S100PBP: variants seen among roughly 807,000 people sequenced by gnomAD.
S100PBP encodes S100P binding protein, also known as S100P-binding protein.
In S100PBP, 15 loss-of-function variants were observed where a neutral mutation model predicts 39.9. The observed-to-expected ratio is 0.38, with a 90% CI of 0.25 to 0.58. The LOEUF (loss-of-function observed/expected upper bound fraction) is 0.58, where lower values mean the gene tolerates loss of function less well. Among genes scored for constraint, S100PBP ranks in the 20% least tolerant of loss-of-function variants. S100PBP has a pLI of 0.70. For missense variants in S100PBP, 504 were observed against 487.3 expected, an observed-to-expected ratio of 1.03 and a Z score of -0.32; for synonymous variants, 178 against 180.3, an observed-to-expected ratio of 0.99 and a Z score of 0.10.
Position 32,826,883 on chromosome 1 carries a change from T to G in S100PBP, c.784T>G (p.Ser262Ala). 6.2e-7 allele frequency: 1 copy of G among 1,606,764 alleles called. No homozygotes were observed. Among genetic ancestry groups the G allele is most frequent in the Non-Finnish European group, 8.5e-7 (1 of 1,177,742 alleles). Residue 262 changes from serine (S) to alanine (A), a missense_variant, in exon 3 of 7, where the codon TCA (serine) becomes GCA (alanine). Ser to Ala is a moderately conservative substitution (Grantham distance 99). Coordinates refer to ENST00000373475, the MANE Select transcript of S100PBP (RefSeq NM_022753.4). The stretch of plus-strand genomic sequence containing the variant: ...CTGCAGAAATGGTGGTTCACACAAG[T>G]CAAGTTGTGAAATGAGATCTCTGGT... ...LSCRNGGSHK[S>A]SCEMRSLVVS...
intron 5 of S100PBP, among the ~76,000 whole-genome samples, chr1:32,845,707 G>A (rs1186682434): frequency 6.8e-6 from 1 of 148,068 alleles, no homozygotes; most frequent in African/African-American, 2.5e-5. Context: ...TTAAGATAAA[G>A]CCTTGCTCTG....
intron 3 of S100PBP, 80 bp from the exon 4 acceptor site, chr1:32,827,913 A>C: frequency 1.0e-6 from 1 of 970,982 alleles, no homozygotes; most frequent in Non-Finnish European, 1.6e-6. Flanking sequence ...GTTAAAAAAT[A>C]TTTCCATAAA....
intron 1 of S100PBP, chr1:32,818,161 G>A (rs1414259087): frequency 6.6e-6 from 1 of 152,444 alleles, no homozygotes; most frequent in Non-Finnish European, 1.5e-5. Context: ...CAGGCCTGCT[G>A]AGGGGCGGGT....
At chr1:32,819,689 G>A (rs1218708748) in intron 1 of S100PBP, among the ~76,000 whole-genome samples, 1 of 152,240 alleles carries the variant, frequency 6.6e-6, no homozygotes, top group Non-Finnish European at 1.5e-5. Context: ...TGACAGAGAA[G>A]TAATAAGTAA....
At position 32,826,332 on chromosome 1, in the gene S100PBP, G is replaced by A. The variant is rs542081266; in HGVS notation, c.233G>A (p.Gly78Asp). Residue 78 changes from glycine (G) to aspartate (D), a missense_variant, in exon 3 of 7, where the codon GGT becomes GAT. By Grantham distance (94) the Gly-to-Asp change is moderately conservative. Coordinates refer to ENST00000373475, the MANE Select transcript of S100PBP (RefSeq NM_022753.4). ...GAGCAGTCTTCTGGGGAAGATGATGGTGGGCATGTTGAGAAGGGAGAAAGA... is the reference window on the plus strand; with the variant it reads ...GAGCAGTCTTCTGGGGAAGATGATGATGGGCATGTTGAGAAGGGAGAAAGA... ...SYEQSSGEDD[G>D]GHVEKGERGS... is the part of the protein sequence containing the mutation. 3.1e-6 allele frequency: 5 copies of A among 1,614,102 alleles called. No homozygotes were observed. In the East Asian group the frequency reaches 6.7e-5, roughly 22 times the overall value.
chr1:32,843,742 C>T (rs551438543), intron 5 of S100PBP, among the ~76,000 whole-genome samples: 1 of 150,722 alleles, frequency 6.6e-6, no homozygotes, highest in East Asian at 2.0e-4. Flanking sequence ...TGTGAGCCAC[C>T]GCACATGGCC....
At chr1:32,818,671 C>G (rs1367063624) in intron 1 of S100PBP, 2 of 152,248 alleles carry the variant, frequency 1.3e-5, no homozygotes, top group Admixed American at 6.5e-5. Flanking sequence ...GAAATGTTAC[C>G]TAAAGCAAAG....
intron 6 of S100PBP, among the ~76,000 whole-genome samples, chr1:32,855,244 T>C (rs1408807167): frequency 6.6e-6 from 1 of 152,152 alleles, no homozygotes; most frequent in Non-Finnish European, 1.5e-5. Flanking sequence ...CTGTATTTGT[T>C]TTTTCTTTTT....
rs1471908093 is a variant in S100PBP, at chr1:32,857,134, A to G, written c.*1096A>G. 5 of 152,156 alleles carry G rather than the reference A, an allele frequency of 3.3e-5. No individual in the cohort carries two copies. Among genetic ancestry groups the G allele is most frequent in the African/African-American group, 1.2e-4 (5 of 41,436 alleles). 9.4% of individuals were successfully genotyped at this position (152,156 alleles called of 1,614,324 possible). ...AACAAGAGGTGTCTTTAGGCCCTGG[A>G]TGTTACCATCTCATTTGGTCAAGCC... On this transcript the variant is annotated 3_prime_UTR_variant, in exon 7 of 7. Coordinates refer to ENST00000373475, the MANE Select transcript of S100PBP (RefSeq NM_022753.4).
At chr1:32,836,707 C>A in intron 5 of S100PBP, 1 of 435,326 alleles carries the variant, frequency 2.3e-6, no homozygotes, top group Non-Finnish European at 3.1e-6. Context: ...TGCAACAGAG[C>A]TGTCATCCCA....
At chr1:32,827,793 T>G (rs1281453672) in intron 3 of S100PBP, among the ~76,000 whole-genome samples, 200 bp from the exon 4 acceptor site, 4 of 150,428 alleles carry the variant, frequency 2.7e-5, no homozygotes, top group Admixed American at 6.7e-5. Context: ...GTTTTTTTTT[T>G]TTTTTTTTTT....
intron 6 of S100PBP, among the ~76,000 whole-genome samples, chr1:32,855,238 A>G (rs1557518826): frequency 6.6e-6 from 1 of 152,122 alleles, no homozygotes; most frequent in Non-Finnish European, 1.5e-5. Context: ...CCATATCTGT[A>G]TTTGTTTTTT....
At chr1:32,824,778 G>A (rs911998382) in intron 1 of S100PBP, 2 of 139,180 alleles carry the variant, frequency 1.4e-5, no homozygotes, top group Non-Finnish European at 3.1e-5. Flanking sequence ...GCCCAGGCTT[G>A]TGTTTGTATC....
chr1:32,828,391 G>A (rs570453256), intron 4 of S100PBP, among the ~76,000 whole-genome samples: 2 of 152,094 alleles, frequency 1.3e-5, no homozygotes, highest in South Asian at 4.1e-4. Context: ...GGGGCAGCCT[G>A]GTCACATATA....
At chr1:32,844,000 G>A (rs1448196400) in intron 5 of S100PBP, among the ~76,000 whole-genome samples, 2 of 151,906 alleles carry the variant, frequency 1.3e-5, no homozygotes, top group South Asian at 2.1e-4. Context: ...TGCAGTCTCC[G>A]CCTTCCAGGT....
chr1:32,826,472 C>T lies in S100PBP; in HGVS notation c.373C>T (p.His125Tyr). The stretch of plus-strand genomic sequence containing the variant: ...ACCTCAGCTAAGTACATCAAGTGGT[C>T]ATGGACCAGCTCATACTAAACCATT... The part of the protein sequence containing the change: ...KLPQLSTSSG[H>Y]GPAHTKPLNR... The change falls in exon 3 of 7, where the codon CAT (histidine) becomes TAT (tyrosine). Residue 125 changes from histidine to tyrosine, a missense_variant. Coordinates refer to ENST00000373475, the MANE Select transcript of S100PBP (RefSeq NM_022753.4). 1.2e-6 allele frequency: 2 copies of T among 1,614,088 alleles called. No individual in the cohort carries two copies. Among genetic ancestry groups the T allele is most frequent in the Non-Finnish European group, 1.7e-6 (2 of 1,180,014 alleles).
intron 1 of S100PBP, among the ~76,000 whole-genome samples, chr1:32,822,035 A>G (rs1465688734): frequency 8.5e-5 from 13 of 152,134 alleles, no homozygotes; most frequent in Admixed American, 3.3e-4. Context: ...TATGGACCTT[A>G]CTTGGATACT....
chr1:32,840,293 T>C (rs567279035), intron 5 of S100PBP, among the ~76,000 whole-genome samples: 139 of 151,846 alleles, frequency 9.2e-4, no homozygotes, highest in Admixed American at 2.6e-3. Context: ...GCCTAATTTT[T>C]TGTATTTTTG....
chr1:32,822,758 T>C (rs1639142089), intron 1 of S100PBP, among the ~76,000 whole-genome samples: 1 of 152,274 alleles, frequency 6.6e-6, no homozygotes, highest in African/African-American at 2.4e-5. Flanking sequence ...CCAGATCTAT[T>C]GGAACATAAG....
Sources: gnomAD v4.1 joint callset for allele counts (sites outside exome capture counted in the v4.1 genomes callset) on GRCh38, gnomAD v4.1.1 for gene constraint, MANE v1.5 for transcripts, NCBI Gene and HGNC (gene_info 2026-07-23, HGNC 2026-07-21) for gene names.